SYT9: variants seen among roughly 807,000 people sequenced by gnomAD.
The protein encoded by SYT9 is synaptotagmin-9.
In SYT9, 22 loss-of-function variants were observed where a neutral mutation model predicts 48.4. The observed-to-expected ratio is 0.45, with a 90% CI of 0.32 to 0.65. The LOEUF (loss-of-function observed/expected upper bound fraction) is 0.65, where lower values mean the gene tolerates loss of function less well. Ranked by LOEUF, SYT9 falls within the 30% of genes least tolerant of loss-of-function variation. The pLI, the probability that SYT9 is intolerant of heterozygous loss-of-function variation, is 0.03. For synonymous variants in SYT9, 265 were observed against 245.0 expected, an observed-to-expected ratio of 1.08 and a Z score of -0.76; for missense variants, 577 against 622.0, an observed-to-expected ratio of 0.93 and a Z score of 0.77.
intron 1 of SYT9, among the ~76,000 whole-genome samples, chr11:7,282,914 ACACACACACACG>A (rs1433905889): frequency 2.0e-5 from 3 of 150,546 alleles, no homozygotes; most frequent in Non-Finnish European, 4.4e-5. Context: ...GTTAAAACAC[ACACACACACACG>A]CACACACACA....
intron 1 of SYT9, among the ~76,000 whole-genome samples, chr11:7,276,032 A>T (rs1848383623): frequency 6.6e-6 from 1 of 152,112 alleles, no homozygotes; most frequent in Non-Finnish European, 1.5e-5. Context: ...GTTTGAGCCA[A>T]TTTCTGGTGT....
chr11:7,413,492 G>T (rs1249637742), intron 3 of SYT9, among the ~76,000 whole-genome samples: 2 of 152,004 alleles, frequency 1.3e-5, no homozygotes, highest in African/African-American at 2.4e-5. Flanking sequence ...TCTCCTGTCA[G>T]TAAGATAGTA....
intron 1 of SYT9, among the ~76,000 whole-genome samples, chr11:7,263,965 GA>G (rs1432351188): frequency 6.6e-6 from 1 of 152,126 alleles, no homozygotes; most frequent in East Asian, 1.9e-4. Flanking sequence ...TGGAGAGAGG[GA>G]AAAATGATGT....
At chr11:7,424,366 G>T (rs1590018993) in intron 6 of SYT9, among the ~76,000 whole-genome samples, 1 of 152,158 alleles carries the variant, frequency 6.6e-6, no homozygotes, top group South Asian at 2.1e-4. Flanking sequence ...CCCCTCCATA[G>T]GGCCTCAGAT....
intron 2 of SYT9, among the ~76,000 whole-genome samples, chr11:7,308,981 T>C (rs2133945903): frequency 6.6e-6 from 1 of 152,328 alleles, no homozygotes; most frequent in Non-Finnish European, 1.5e-5. Flanking sequence ...TCCTGAACTA[T>C]GGCTGCAACT....
At chr11:7,243,011 A>G (rs567660074) in intron 1 of SYT9, among the ~76,000 whole-genome samples, 1 of 152,042 alleles carries the variant, frequency 6.6e-6, no homozygotes, top group South Asian at 2.1e-4. Flanking sequence ...GTACCATTGC[A>G]CTCCAACCTG....
intron 1 of SYT9, among the ~76,000 whole-genome samples, chr11:7,285,628 T>C (rs894257386): frequency 2.3e-4 from 35 of 152,186 alleles, no homozygotes; most frequent in African/African-American, 7.0e-4. Flanking sequence ...TCTTAACTCA[T>C]TCCAGCATTA....
intron 3 of SYT9, among the ~76,000 whole-genome samples, chr11:7,330,384 G>A (rs543641661): frequency 6.6e-6 from 1 of 152,248 alleles, no homozygotes; most frequent in East Asian, 1.9e-4. Flanking sequence ...GCCAGGGCTT[G>A]GGGATGGGGA....
chr11:7,366,729 A>G (rs1169731833), intron 3 of SYT9, among the ~76,000 whole-genome samples: 2 of 152,052 alleles, frequency 1.3e-5, no homozygotes, highest in African/African-American at 4.8e-5. Flanking sequence ...ACATTGTCCA[A>G]TTATTTCCTC....
intron 6 of SYT9, chr11:7,465,708 G>A (rs1308501395): frequency 6.3e-6 from 1 of 157,588 alleles, no homozygotes; most frequent in Non-Finnish European, 1.4e-5. Context: ...TGCTGACAAA[G>A]ACATATCCGA....
chr11:7,315,691 T>C (rs1222087878), intron 3 of SYT9, among the ~76,000 whole-genome samples: 1 of 152,144 alleles, frequency 6.6e-6, no homozygotes, highest in Admixed American at 6.5e-5. Flanking sequence ...TGATCCCTGG[T>C]GGGAACGACT....
In SYT9 at chr11:7,264,597, T is replaced by C. The variant is rs140035861; in HGVS notation, c.145+12266T>C. On this transcript the variant is annotated intron_variant, in intron 1 of 6. Coordinates refer to ENST00000318881, the MANE Select transcript of SYT9 (RefSeq NM_175733.4). ...GATTGTAGGTCCTGGAGGGGTGGAA[T>C]GCTTGTTGAGAATGCAGTGAGGAGA... Among the ~76,000 whole-genome samples, 252 of 152,072 alleles carry C rather than the reference T, an allele frequency of 1.7e-3. 3 individuals are homozygous for C. Among genetic ancestry groups the C allele is most frequent in the Middle Eastern group, 0.01 (3 of 294 alleles).
chr11:7,404,318 A>G (rs927051119), intron 3 of SYT9, among the ~76,000 whole-genome samples: 8 of 152,214 alleles, frequency 5.3e-5, no homozygotes, highest in African/African-American at 1.7e-4. Flanking sequence ...TTTAGTTTAA[A>G]TTTACTACCT....
intron 3 of SYT9, among the ~76,000 whole-genome samples, chr11:7,329,559 C>T (rs985803666): frequency 1.3e-5 from 2 of 152,126 alleles, no homozygotes; most frequent in African/African-American, 2.4e-5. Flanking sequence ...TGATAAGTAC[C>T]TCTAGGGACT....
At chr11:7,436,235 A>G (rs1847706833) in intron 6 of SYT9, among the ~76,000 whole-genome samples, 1 of 152,120 alleles carries the variant, frequency 6.6e-6, no homozygotes, top group Non-Finnish European at 1.5e-5. Context: ...CATGCTTGCT[A>G]TTGAGGTGGG....
chr11:7,431,855 C>T (rs1389599552), intron 6 of SYT9, among the ~76,000 whole-genome samples: 2 of 152,272 alleles, frequency 1.3e-5, no homozygotes, highest in Non-Finnish European at 2.9e-5. Flanking sequence ...GGTTTAGCAG[C>T]TTCTGCCTGG....
intron 6 of SYT9, among the ~76,000 whole-genome samples, chr11:7,454,973 A>G (rs1170540885): frequency 1.3e-5 from 2 of 152,254 alleles, no homozygotes; most frequent in Non-Finnish European, 2.9e-5. Context: ...TATAGAGGAC[A>G]GCAGATACAC....
intron 1 of SYT9, among the ~76,000 whole-genome samples, chr11:7,270,563 G>A (rs1377784797): frequency 6.6e-6 from 1 of 152,132 alleles, no homozygotes; most frequent in African/African-American, 2.4e-5. Flanking sequence ...GGTTATTATA[G>A]ATGAGTATCT....
intron 1 of SYT9, among the ~76,000 whole-genome samples, chr11:7,239,269 G>T (rs971064557): frequency 3.3e-5 from 5 of 152,088 alleles, no homozygotes; most frequent in African/African-American, 1.2e-4. Context: ...GGGGTGAACC[G>T]CCAAGATTCT....
Sources: allele counts gnomAD v4.1 joint callset (sites outside exome capture counted in the v4.1 genomes callset), GRCh38; gene constraint gnomAD v4.1.1; transcripts MANE v1.5; gene names NCBI Gene and HGNC (gene_info 2026-07-23, HGNC 2026-07-21).